PODXL2: variants seen among roughly 807,000 people sequenced by gnomAD.
PODXL2 encodes podocalyxin like 2, also known as podocalyxin-like protein 2.
Under a neutral mutation model 53.4 loss-of-function variants are expected in PODXL2, and 17 were observed. The observed-to-expected ratio is 0.32, with a 90% CI of 0.22 to 0.48. The LOEUF (loss-of-function observed/expected upper bound fraction) is 0.48. Among genes scored for constraint, PODXL2 ranks in the 20% least tolerant of loss-of-function variants. The probability of loss-of-function intolerance (pLI) is 0.99; values close to 1 mark genes in which losing one functional copy is unlikely to be tolerated. For missense variants in PODXL2, 673 were observed against 760.0 expected (o/e 0.89, Z 1.35); for synonymous variants, 311 against 306.7 (o/e 1.01, Z -0.15).
chr3:127,639,498 A>G lies in PODXL2; in HGVS notation c.324A>G (p.Ser108=). 6.2e-7 allele frequency: 1 copy of G among 1,613,880 alleles called. No individual in the cohort carries two copies. Among genetic ancestry groups the G allele is most frequent in the Non-Finnish European group, 8.5e-7 (1 of 1,179,810 alleles). The change falls in exon 2 of 8, where the codon TCA becomes TCG. Residue 108 remains serine (S), a synonymous_variant. Transcript: ENST00000342480. ...AAGAGGAGGAAGAGCTGAATGACTC[A>G]AGTCTGGACCTGGGACCCACTGCAG... ...FWEEEEELND[S]SLDLGPTADY...
rs532600406 is a variant in PODXL2, at chr3:127,670,787, GC to G, written c.1426-645del. Among the ~76,000 whole-genome samples, 191 of 152,342 alleles carry G rather than the reference GC, an allele frequency of 1.3e-3. No individual in the cohort carries two copies. The South Asian group carries it at 0.013, about 11-fold the overall frequency. On this transcript the variant is annotated intron_variant, in intron 6 of 7. Transcript: ENST00000342480. ...ATGCTGATCTGTGGAGATAGCACCT[GC>G]CTGGCCCCTGGCGCCGATCTCCTTG...
intron 2 of PODXL2, among the ~76,000 whole-genome samples, chr3:127,647,438 A>G (rs1396046995): frequency 6.6e-6 from 1 of 152,164 alleles, no homozygotes; most frequent in Non-Finnish European, 1.5e-5. Context: ...ATGCAGTTTT[A>G]ATTTTCCTAG....
intron 2 of PODXL2, among the ~76,000 whole-genome samples, chr3:127,648,789 T>C (rs1350343481): frequency 1.5e-5 from 2 of 137,028 alleles, no homozygotes; most frequent in African/African-American, 5.6e-5. Flanking sequence ...TTGTATTTCT[T>C]TTTTTTTTTT....
At chr3:127,672,144 AGGATCTGGCACCTGT>A in intron 7 of PODXL2, 109 bp from the exon 8 acceptor site, 2 of 668,282 alleles carry the variant, frequency 3.0e-6, no homozygotes, top group Non-Finnish European at 5.1e-6. Flanking sequence ...ACAGAAAAGA[AGGATCTGGCACCTGT>A]GGAGGGTGCC....
intron 4 of PODXL2, among the ~76,000 whole-genome samples, chr3:127,665,225 G>C (rs1387582310): frequency 2.0e-5 from 3 of 152,138 alleles, no homozygotes; most frequent in Non-Finnish European, 4.4e-5. Flanking sequence ...CTTTAATCTG[G>C]AATAGTTCCT....
chr3:127,655,915 C>T (rs2074720783), intron 2 of PODXL2, among the ~76,000 whole-genome samples: 1 of 152,220 alleles, frequency 6.6e-6, no homozygotes. Flanking sequence ...GAAGGGACTG[C>T]ATTTTGGGAG....
chr3:127,640,391 C>T (rs1252054752), intron 2 of PODXL2, among the ~76,000 whole-genome samples: 1 of 152,068 alleles, frequency 6.6e-6, no homozygotes, highest in Non-Finnish European at 1.5e-5. Flanking sequence ...ATCTGAAACA[C>T]ACAAAAATAA....
intron 2 of PODXL2, among the ~76,000 whole-genome samples, chr3:127,654,746 T>A (rs1334527322): frequency 1.3e-5 from 2 of 152,182 alleles, no homozygotes; most frequent in Non-Finnish European, 2.9e-5. Context: ...CACTTCCACT[T>A]TTCCTGTTAT....
intron 2 of PODXL2, among the ~76,000 whole-genome samples, chr3:127,643,496 C>T (rs1474781744): frequency 2.0e-5 from 3 of 152,138 alleles, no homozygotes; most frequent in African/African-American, 7.2e-5. Context: ...AGGCATGAGC[C>T]ACCACACCCA....
intron 2 of PODXL2, 43 bp downstream of exon 2, chr3:127,639,566 A>G (rs1576427220): frequency 6.4e-7 from 1 of 1,550,600 alleles, no homozygotes; most frequent in East Asian, 2.3e-5. Context: ...GTGCCAGCCA[A>G]GTGTCTAGGC....
intron 2 of PODXL2, 139 bp from the exon 3 acceptor site, chr3:127,660,239 C>A (rs557756060): frequency 1.0e-6 from 1 of 991,340 alleles, no homozygotes; most frequent in Non-Finnish European, 1.5e-6. Context: ...ACAGTCTGCT[C>A]CCCTGGCCTC....
At chr3:127,662,903 T>G (rs2074776284) in intron 4 of PODXL2, among the ~76,000 whole-genome samples, 2 of 152,204 alleles carry the variant, frequency 1.3e-5, no homozygotes, top group African/African-American at 4.8e-5. Flanking sequence ...TATAACAAGT[T>G]GGTTGTCAGT....
chr3:127,646,114 C>G (rs1035672043), intron 2 of PODXL2, among the ~76,000 whole-genome samples: 2 of 152,196 alleles, frequency 1.3e-5, no homozygotes, highest in African/African-American at 4.8e-5. Context: ...AGTATGTGCC[C>G]AGCACTATGT....
intron 1 of PODXL2, among the ~76,000 whole-genome samples, chr3:127,633,051 A>G (rs919343435): frequency 1.3e-5 from 2 of 152,252 alleles, no homozygotes; most frequent in African/African-American, 4.8e-5. Context: ...CAGGGGCCAC[A>G]TGCAAATGTA....
Position 127,629,233 on chromosome 3 carries a change from TGCGGGCCGCCCGGCTGCC to T in PODXL2, c.17_34del (p.Arg6_Pro11del), listed in dbSNP as rs1456663610. ...GACGGCTACACCATGGGCCGGCTGC[TGCGGGCCGCCCGGCTGCC>T]GCCGCTGCTTTCGCCGCTGCTGCTT... On this transcript the variant is annotated inframe_deletion, in exon 1 of 8. Coordinates refer to ENST00000342480, the MANE Select transcript of PODXL2 (RefSeq NM_015720.4). The surrounding 1 kb of genome is among the most constrained non-coding windows in gnomAD (Gnocchi z 6.4). 1.0e-6 allele frequency: 1 copy of T among 995,910 alleles called. No individual in the cohort carries two copies. The highest frequency in any genetic ancestry group is 1.2e-6 in the Non-Finnish European group (1 of 837,142). 61.7% of individuals were successfully genotyped at this position (995,910 alleles called of 1,614,324 possible). A position where few individuals can be genotyped will look rare whatever the true frequency, so the allele number is the denominator to read the frequency against.
intron 6 of PODXL2, among the ~76,000 whole-genome samples, chr3:127,670,151 C>T (rs1214708019): frequency 3.3e-5 from 5 of 152,206 alleles, no homozygotes; most frequent in Admixed American, 1.3e-4. Flanking sequence ...CCTCAGTCCT[C>T]GCCACCACCC....
At chr3:127,643,618 T>TA (rs777627210) in intron 2 of PODXL2, among the ~76,000 whole-genome samples, 6 of 152,162 alleles carry the variant, frequency 3.9e-5, no homozygotes, top group Non-Finnish European at 7.3e-5. Flanking sequence ...TCTTTTTTTT[T>TA]AATGTAAATT....
At chr3:127,630,683 T>C (rs1402912885) in intron 1 of PODXL2, among the ~76,000 whole-genome samples, 1 of 152,140 alleles carries the variant, frequency 6.6e-6, no homozygotes, top group African/African-American at 2.4e-5. Flanking sequence ...GAAGGCTCAG[T>C]TCAGGGAGGG....
In PODXL2 at chr3:127,660,763, G is replaced by A; in HGVS notation, c.735G>A (p.Leu245=). The change falls in exon 3 of 8, where the codon CTG becomes CTA. Residue 245 remains leucine (L), a synonymous_variant. Transcript: ENST00000342480. ...VESSMGPSLL[L]PSVTPTTVTP... is the part of the protein sequence containing the mutation. ...GCAGCATGGGGCCCAGCTTGCTGCT[G>A]CCTTCAGTCACCCCAACTACAGTGA... The A allele has an allele frequency of 6.2e-7, 1 of 1,614,156 alleles. No individual in the cohort carries two copies. The highest frequency in any genetic ancestry group is 2.2e-5 in the East Asian group (1 of 44,878).
Sources: gnomAD v4.1 joint callset for allele counts (sites outside exome capture counted in the v4.1 genomes callset) on GRCh38, gnomAD v4.1.1 for gene constraint, Gnocchi (gnomAD v3.1) non-coding constraint, MANE v1.5 for transcripts, NCBI Gene and HGNC (gene_info 2026-07-23, HGNC 2026-07-21) for gene names.